The following TCAP variants were observed in gnomAD, a reference collection of about 807,000 sequenced individuals.
The protein encoded by TCAP is titin-cap, also known as telethonin.
Under a neutral mutation model 16.6 loss-of-function variants are expected in TCAP, and 14 were observed. The ratio of observed to expected loss-of-function variants is 0.84; its 90% CI spans 0.56 to 1.32. The LOEUF is 1.32. Ranked by LOEUF, TCAP falls within the 40% of genes most tolerant of loss-of-function variation. The pLI is 0.00. For synonymous variants in TCAP, 97 were observed against 93.2 expected (o/e 1.04, Z -0.23); for missense variants, 212 against 223.5 (o/e 0.95, Z 0.33).
Position 39,666,265 on chromosome 17 carries a change from C to T in TCAP, c.*156C>T. The T allele has an allele frequency of 2.0e-6, 2 of 1,012,182 alleles. No homozygotes were observed. The highest frequency in any genetic ancestry group is 4.2e-5 in the Admixed American group (2 of 48,080). The allele number at this position is 1,012,182 out of a possible 1,614,324, so 62.7% of individuals were successfully genotyped here. ...GCCAGAGGCCAGGATGCCTGAGCCCCCTGAGTTCCCAAAGGGAGGGTGGCA... is the reference window on the plus strand; with the variant it reads ...GCCAGAGGCCAGGATGCCTGAGCCCTCTGAGTTCCCAAAGGGAGGGTGGCA... On this transcript the variant is annotated 3_prime_UTR_variant, in exon 2 of 2. Coordinates refer to ENST00000309889, the MANE Select transcript of TCAP (RefSeq NM_003673.4).
rs2057247306 is a variant in TCAP at position 39,665,427 on chromosome 17, C to T, written c.68C>T (p.Ala23Val). The T allele has an allele frequency of 6.2e-7, 1 of 1,613,660 alleles. No homozygotes were observed. Among genetic ancestry groups the T allele is most frequent in the Non-Finnish European group, 8.5e-7 (1 of 1,179,950 alleles). The change falls in exon 1 of 2, where the codon GCA becomes GTA. Residue 23 changes from alanine (A) to valine (V), a missense_variant. By Grantham distance (64) the Ala-to-Val change is moderately conservative. Transcript: ENST00000309889. Reference sequence around the variant, plus strand: ...TGTGAGCGCCGGGAGGCCTTCTGGGCAGAATGGAAGGATCTGACACTGTCC... The same window carrying T: ...TGTGAGCGCCGGGAGGCCTTCTGGGTAGAATGGAAGGATCTGACACTGTCC... The part of the protein sequence containing the change: ...ENCERREAFW[A>V]EWKDLTLSTR...
chr17:39,665,680 G>A (rs1436623225), intron 1 of TCAP, 36 bp from the exon 2 acceptor site: 3 of 1,592,988 alleles, frequency 1.9e-6, no homozygotes, highest in Non-Finnish European at 1.7e-6. Context: ...GAGAGCAACA[G>A]CTCCCAGGAG....
chr17:39,665,958 C>T lies in TCAP; in HGVS notation c.353C>T (p.Ala118Val), dbSNP rs143233087. The part of the protein sequence containing the change: ...DTPIQLQELL[A>V]LETALGGQCV... ...CCCATCCAGCTTCAGGAGCTGCTGGCGCTGGAGACAGCCCTGGGTGGCCAG... is the reference window on the plus strand; with the variant it reads ...CCCATCCAGCTTCAGGAGCTGCTGGTGCTGGAGACAGCCCTGGGTGGCCAG... The change falls in exon 2 of 2, where the codon GCG (alanine) becomes GTG (valine). Residue 118 changes from alanine (A) to valine (V), a missense_variant. Physicochemically the swap from Ala to Val is moderately conservative, Grantham distance 64. Transcript: ENST00000309889. The T allele has an allele frequency of 1.8e-4, 283 of 1,612,990 alleles. 2 individuals carry two copies. In the African/African-American group the frequency reaches 2.7e-3, roughly 16 times the overall value.
chr17:39,666,517 C>T lies in TCAP; in HGVS notation c.*408C>T, dbSNP rs569522916. 1 of 268,696 alleles carries T rather than the reference C, an allele frequency of 3.7e-6. No homozygotes were observed. Among genetic ancestry groups the T allele is most frequent in the Non-Finnish European group, 7.3e-6 (1 of 137,260 alleles). The allele number at this position is 268,696 out of a possible 1,614,324, so 16.6% of individuals were successfully genotyped here. On this transcript the variant is annotated 3_prime_UTR_variant, in exon 2 of 2. Coordinates refer to ENST00000309889, the MANE Select transcript of TCAP (RefSeq NM_003673.4). ...AGGATGGTGGGGCCCCCAGCACCCT[C>T]TGTTAGTGCCGCAATAAATGCTCAA... is the stretch of plus-strand genomic sequence containing the variant.
intron 1 of TCAP, 119 bp from the exon 2 acceptor site, chr17:39,665,597 A>G: frequency 7.2e-7 from 1 of 1,393,052 alleles, no homozygotes; most frequent in Non-Finnish European, 9.9e-7. Context: ...CCATGGGGAG[A>G]GCAAAGGGGA....
In TCAP at chr17:39,666,427, G is replaced by A. The variant is rs2057256439; in HGVS notation, c.*318G>A. 4.1e-6 allele frequency: 2 copies of A among 483,218 alleles called. No homozygotes were observed. Among genetic ancestry groups the A allele is most frequent in the Non-Finnish European group, 7.6e-6 (2 of 262,628 alleles). 29.9% of individuals were successfully genotyped at this position (483,218 alleles called of 1,614,324 possible). ...TGGCCCTGATCCAGGAAAATGTGAGGGGAATCTGGAACGCTCTAGGCAGAA... is the reference window on the plus strand; with the variant it reads ...TGGCCCTGATCCAGGAAAATGTGAGAGGAATCTGGAACGCTCTAGGCAGAA... On this transcript the variant is annotated 3_prime_UTR_variant, in exon 2 of 2. Transcript: ENST00000309889.
intron 1 of TCAP, 112 bp from the exon 2 acceptor site, chr17:39,665,604 G>A: frequency 7.0e-7 from 1 of 1,419,352 alleles, no homozygotes; most frequent in Non-Finnish European, 9.7e-7. Flanking sequence ...GAGAGCAAAG[G>A]GGAACCACCC....
At position 39,665,793 on chromosome 17, in the gene TCAP, G is replaced by A. The variant is rs777384494; in HGVS notation, c.188G>A (p.Arg63His). ...GGGCAGTGCCAGGTGCTGGTGCAGC[G>A]CTCGCCCTGGCTGATGATGCGGATG... The part of the protein sequence containing the change: ...QQGQCQVLVQ[R>H]SPWLMMRMGI... Residue 63 changes from arginine (R) to histidine (H), a missense_variant, in exon 2 of 2, where the codon CGC becomes CAC. By Grantham distance (29) the Arg-to-His change is conservative. Transcript: ENST00000309889. 5.6e-6 allele frequency: 9 copies of A among 1,607,342 alleles called. No homozygotes were observed. The highest frequency in any genetic ancestry group is 2.2e-5 in the East Asian group (1 of 44,748).
At position 39,665,899 on chromosome 17, in the gene TCAP, G is replaced by A. The variant is rs761888264; in HGVS notation, c.294G>A (p.Lys98=). ...VLPLPIFTPA[K]MGATKEERED... Reference sequence around the variant, plus strand: ...CGCTGCCCATCTTCACCCCTGCCAAGATGGGCGCCACCAAGGAGGAGCGTG... The same window carrying A: ...CGCTGCCCATCTTCACCCCTGCCAAAATGGGCGCCACCAAGGAGGAGCGTG... Residue 98 remains lysine (K), a synonymous_variant, in exon 2 of 2, where the codon AAG becomes AAA. Transcript: ENST00000309889. 1.5e-5 allele frequency: 24 copies of A among 1,612,524 alleles called. No homozygotes were observed. Among genetic ancestry groups the A allele is most frequent in the African/African-American group, 2.7e-5 (2 of 74,918 alleles).
rs1470332746 is a variant in TCAP, at chr17:39,666,030, C to G, written c.425C>G (p.Pro142Arg). 1.2e-6 allele frequency: 2 copies of G among 1,610,282 alleles called. No homozygotes were observed. Among genetic ancestry groups the G allele is most frequent in the East Asian group, 4.5e-5 (2 of 44,882 alleles). ...EVAEITKQLP[P>R]VVPVSKPGAL... ...GCTGAGATCACAAAGCAGCTGCCCCCTGTGGTGCCTGTCAGCAAGCCCGGT... is the reference window on the plus strand; with the variant it reads ...GCTGAGATCACAAAGCAGCTGCCCCGTGTGGTGCCTGTCAGCAAGCCCGGT... The change falls in exon 2 of 2, where the codon CCT (proline) becomes CGT (arginine). Residue 142 changes from proline (P) to arginine (R), a missense_variant. Coordinates refer to ENST00000309889, the MANE Select transcript of TCAP (RefSeq NM_003673.4).
chr17:39,665,647 GC>G (rs1338142428), intron 1 of TCAP, 68 bp from the exon 2 acceptor site: 17 of 1,532,440 alleles, frequency 1.1e-5, no homozygotes, highest in Admixed American at 3.8e-5. Context: ...GCCCAGGGGA[GC>G]CCCCCACCCA....
rs778851652 is a variant in TCAP at position 39,665,434 on chromosome 17, G to A, written c.75G>A (p.Trp25Ter). The A allele has an allele frequency of 1.9e-6, 3 of 1,613,542 alleles. No homozygotes were observed. Among genetic ancestry groups the A allele is most frequent in the African/African-American group, 1.3e-5 (1 of 74,904 alleles). ...CERREAFWAEWKDLTLSTRPE... is the reference protein window; with the variant it reads ...CERREAFWAE The stretch of plus-strand genomic sequence containing the variant: ...GCCGGGAGGCCTTCTGGGCAGAATG[G>A]AAGGATCTGACACTGTCCACACGGC... Residue 25 changes from tryptophan (W) to a stop codon, truncating the protein, a stop_gained, in exon 1 of 2, where the codon TGG becomes TGA. Transcript: ENST00000309889. LOFTEE classifies it high-confidence loss of function.
intron 1 of TCAP, 31 bp from the exon 2 acceptor site, chr17:39,665,685 C>T (rs1597805360): frequency 1.3e-6 from 2 of 1,597,456 alleles, no homozygotes; most frequent in Admixed American, 1.7e-5. Flanking sequence ...CAACAGCTCC[C>T]AGGAGCTCAC....
At position 39,666,066 on chromosome 17, in the gene TCAP, G is replaced by A. The variant is rs780544264; in HGVS notation, c.461G>A (p.Arg154His). 1.1e-5 allele frequency: 17 copies of A among 1,603,666 alleles called. No homozygotes were observed. Among genetic ancestry groups the A allele is most frequent in the Admixed American group, 8.3e-5 (5 of 59,994 alleles). The change falls in exon 2 of 2, where the codon CGC (arginine) becomes CAC (histidine). Residue 154 changes from arginine (R) to histidine (H), a missense_variant. By Grantham distance (29) the Arg-to-His change is conservative (BLOSUM62 0). Coordinates refer to ENST00000309889, the MANE Select transcript of TCAP (RefSeq NM_003673.4). Reference protein sequence around the residue: ...VPVSKPGALRRSLSRSMSQEA... With the variant: ...VPVSKPGALRHSLSRSMSQEA... ...GTCAGCAAGCCCGGTGCACTTCGTC[G>A]CTCCCTGTCCCGCTCCATGTCCCAG...
At position 39,665,841 on chromosome 17, in the gene TCAP, A is replaced by G. The variant is rs2057251087; in HGVS notation, c.236A>G (p.Gln79Arg). The G allele has an allele frequency of 6.2e-7, 1 of 1,609,388 alleles. No individual in the cohort carries two copies. The highest frequency in any genetic ancestry group is 8.5e-7 in the Non-Finnish European group (1 of 1,178,426). Residue 79 changes from glutamine to arginine, a missense_variant, in exon 2 of 2, where the codon CAG becomes CGG. By Grantham distance (43) the Gln-to-Arg change is conservative (BLOSUM62 1). Transcript: ENST00000309889. ...MRMGILGRGL[Q>R]EYQLPYQRVL... is the part of the protein sequence containing the mutation. Reference sequence around the variant, plus strand: ...ATGGGCATCCTCGGCCGTGGGCTGCAGGAGTACCAGCTGCCCTACCAGCGG... The same window carrying G: ...ATGGGCATCCTCGGCCGTGGGCTGCGGGAGTACCAGCTGCCCTACCAGCGG...
intron 1 of TCAP, 57 bp from the exon 2 acceptor site, chr17:39,665,659 G>A: frequency 1.3e-6 from 2 of 1,567,280 alleles, no homozygotes; most frequent in Admixed American, 3.7e-5. Flanking sequence ...CCCCCACCCA[G>A]CCTGTGCCCA....
chr17:39,665,750 G>A lies in TCAP; in HGVS notation c.145G>A (p.Glu49Lys), dbSNP rs45513698. ...GCATGAGGAGGACACCCAGAGACAT[G>A]AGACCTACCACCAGCAGGGGCAGTG... ...SLHEEDTQRH[E>K]TYHQQGQCQV... Residue 49 changes from glutamate (E) to lysine (K), a missense_variant, in exon 2 of 2, where the codon GAG becomes AAG. Physicochemically the swap from Glu to Lys is moderately conservative, Grantham distance 56. Transcript: ENST00000309889. 1.4e-5 allele frequency: 22 copies of A among 1,610,854 alleles called. No individual in the cohort carries two copies. In the East Asian group the frequency reaches 4.7e-4, roughly 34 times the overall value.
At position 39,666,075 on chromosome 17, in the gene TCAP, C is replaced by T. The variant is rs2057253611; in HGVS notation, c.470C>T (p.Ser157Phe). 2.5e-6 allele frequency: 4 copies of T among 1,602,552 alleles called. No individual in the cohort carries two copies. The highest frequency in any genetic ancestry group is 3.4e-6 in the Non-Finnish European group (4 of 1,179,814). Reference protein sequence around the residue: ...SKPGALRRSLSRSMSQEAQRG With the variant: ...SKPGALRRSLFRSMSQEAQRG ...CCCGGTGCACTTCGTCGCTCCCTGTCCCGCTCCATGTCCCAGGAAGCACAG... is the reference window on the plus strand; with the variant it reads ...CCCGGTGCACTTCGTCGCTCCCTGTTCCGCTCCATGTCCCAGGAAGCACAG... Residue 157 changes from serine (S) to phenylalanine (F), a missense_variant, in exon 2 of 2, where the codon TCC becomes TTC. Physicochemically the swap from Ser to Phe is radical, Grantham distance 155 (BLOSUM62 -2). Transcript: ENST00000309889.
chr17:39,665,831 C>A lies in TCAP; in HGVS notation c.226C>A (p.Arg76Ser). The A allele has an allele frequency of 6.2e-7, 1 of 1,608,096 alleles. No homozygotes were observed. ...WLMMRMGILG[R>S]GLQEYQLPYQ... is the part of the protein sequence containing the mutation. Reference sequence around the variant, plus strand: ...GATGATGCGGATGGGCATCCTCGGCCGTGGGCTGCAGGAGTACCAGCTGCC... The same window carrying A: ...GATGATGCGGATGGGCATCCTCGGCAGTGGGCTGCAGGAGTACCAGCTGCC... Residue 76 changes from arginine (R) to serine (S), a missense_variant, in exon 2 of 2, where the codon CGT becomes AGT. Coordinates refer to ENST00000309889, the MANE Select transcript of TCAP (RefSeq NM_003673.4).
Sources: gnomAD v4.1 joint callset for allele counts on GRCh38, gnomAD v4.1.1 for gene constraint, MANE v1.5 for transcripts, NCBI Gene and HGNC (gene_info 2026-07-23, HGNC 2026-07-21) for gene names.